Variants in DHX32 observed in about 807,000 individuals in gnomAD.
DHX32 encodes the protein DEAH-box helicase 32 (putative), also known as putative pre-mRNA-splicing factor ATP-dependent RNA helicase DHX32.
DHX32 carries 51 observed loss-of-function variants against 70.0 expected under a neutral mutation model. That is an observed-to-expected ratio of 0.73 (90% CI 0.58 to 0.92). DHX32 has a LOEUF of 0.92. DHX32 is among the 40% of genes least tolerant of loss of function. DHX32 has a pLI of 0.00. For synonymous variants in DHX32, 310 were observed against 315.3 expected (o/e 0.98, Z 0.18); for missense variants, 762 against 891.8 (o/e 0.85, Z 1.85).
intron 6 of DHX32, among the ~76,000 whole-genome samples, chr10:125,850,882 T>C (rs1944081842): frequency 1.3e-5 from 2 of 152,228 alleles, no homozygotes; most frequent in African/African-American, 4.8e-5. Context: ...CAAATTTCTA[T>C]CTAGGTACCA....
At chr10:125,851,906 G>T (rs1944094025) in intron 6 of DHX32, among the ~76,000 whole-genome samples, 1 of 123,624 alleles carries the variant, frequency 8.1e-6, no homozygotes, top group South Asian at 2.6e-4. Flanking sequence ...GAGCAACAGA[G>T]CAAGACCCTG....
intron 1 of DHX32, among the ~76,000 whole-genome samples, chr10:125,880,002 C>T (rs534267252): frequency 2.5e-4 from 38 of 152,266 alleles, no homozygotes; most frequent in Middle Eastern, 3.4e-3. Flanking sequence ...AATTCTTTCC[C>T]CCATCTTAGA....
intron 9 of DHX32, 71 bp from the exon 10 acceptor site, chr10:125,838,458 G>GA: frequency 2.2e-6 from 3 of 1,355,778 alleles, no homozygotes; most frequent in South Asian, 1.7e-5. Flanking sequence ...GATGTTTGTT[G>GA]AAAAAAATAC....
chr10:125,871,013 T>C (rs1402991120), intron 1 of DHX32, among the ~76,000 whole-genome samples: 2 of 152,186 alleles, frequency 1.3e-5, no homozygotes, highest in Non-Finnish European at 2.9e-5. Flanking sequence ...GTTATTCATA[T>C]AAGGTCCAGG....
At chr10:125,837,242 C>T (rs546014589) in intron 10 of DHX32, among the ~76,000 whole-genome samples, 5 of 152,272 alleles carry the variant, frequency 3.3e-5, no homozygotes, top group South Asian at 4.1e-4. Context: ...AGTACCACTC[C>T]ACATCCAGCT....
At chr10:125,845,076 C>A (rs1435316173) in intron 6 of DHX32, among the ~76,000 whole-genome samples, 3 of 152,206 alleles carry the variant, frequency 2.0e-5, no homozygotes, top group African/African-American at 7.2e-5. Flanking sequence ...TAAACTGCAA[C>A]CAGCAGAGGA....
intron 6 of DHX32, among the ~76,000 whole-genome samples, chr10:125,846,617 C>T (rs187305320): frequency 2.0e-5 from 3 of 152,278 alleles, no homozygotes; most frequent in Non-Finnish European, 4.4e-5. Context: ...AATCAAGAAT[C>T]CTGCTCTACT....
intron 6 of DHX32, 119 bp from the exon 7 acceptor site, chr10:125,842,053 C>T (rs149044729): frequency 3.1e-5 from 40 of 1,288,466 alleles, no homozygotes; most frequent in African/African-American, 1.7e-4. Flanking sequence ...TGTGAAACAA[C>T]GGTTTGCAAG....
At chr10:125,850,392 T>C (rs1944075416) in intron 6 of DHX32, among the ~76,000 whole-genome samples, 1 of 150,002 alleles carries the variant, frequency 6.7e-6, no homozygotes, top group East Asian at 2.0e-4. Context: ...AGTTTTGCTC[T>C]TGTTGCCCAG....
chr10:125,850,897 C>T (rs187381242), intron 6 of DHX32, among the ~76,000 whole-genome samples: 2 of 152,346 alleles, frequency 1.3e-5, no homozygotes, highest in Admixed American at 1.3e-4. Context: ...GTACCACTGC[C>T]TTCCCAGGGT....
In DHX32 at chr10:125,860,472, G is replaced by T. The variant is rs1431117920; in HGVS notation, c.477-497C>A. ...ACTGTTAGGACAGACACTATTATTG[G>T]TGATTCACTGTGAGAGATGATATCA... On this transcript the variant is annotated intron_variant, in intron 2 of 10. Coordinates refer to ENST00000284690, the MANE Select transcript of DHX32 (RefSeq NM_018180.3). 2.0e-5 allele frequency among the ~76,000 whole-genome samples: 3 copies of T among 152,216 alleles called. No individual in the cohort carries two copies. The Middle Eastern group carries it at 0.01, about 518-fold the overall frequency.
chr10:125,863,905 T>C (rs1477899395), intron 2 of DHX32, among the ~76,000 whole-genome samples: 6 of 152,236 alleles, frequency 3.9e-5, no homozygotes, highest in Middle Eastern at 3.2e-3. Flanking sequence ...ACATACACCA[T>C]GCATCAGTTA....
At chr10:125,879,363 G>A (rs1944304417) in intron 1 of DHX32, among the ~76,000 whole-genome samples, 1 of 151,972 alleles carries the variant, frequency 6.6e-6, no homozygotes, top group South Asian at 2.1e-4. Context: ...TTAATTGAGA[G>A]GCCATTAGGC....
At chr10:125,878,710 G>A (rs986726746) in intron 1 of DHX32, among the ~76,000 whole-genome samples, 2 of 147,254 alleles carry the variant, frequency 1.4e-5, no homozygotes, top group South Asian at 4.3e-4. Flanking sequence ...GTTTTGTTTT[G>A]TTTTCTTTTT....
At chr10:125,884,172 C>T (rs1944331704), upstream of DHX32, among the ~76,000 whole-genome samples, 2 of 152,152 alleles carry the variant, frequency 1.3e-5, no homozygotes, top group South Asian at 2.1e-4. Flanking sequence ...GTGGCTGAGA[C>T]CTAACTAGAG....
At chr10:125,871,939 T>G (rs1036075885) in intron 1 of DHX32, among the ~76,000 whole-genome samples, 1 of 151,124 alleles carries the variant, frequency 6.6e-6, no homozygotes, top group African/African-American at 2.4e-5. Flanking sequence ...CTTGGCTCAC[T>G]GCAACCTCCG....
At chr10:125,841,321 C>T in intron 7 of DHX32, 1 of 1,614,118 alleles carries the variant, frequency 6.2e-7, no homozygotes, top group Non-Finnish European at 8.5e-7. Context: ...AGTTCCGATA[C>T]AGCACAATGG....
chr10:125,893,267 G>A (rs149746451), intron 1 of DHX32, among the ~76,000 whole-genome samples: 1 of 151,854 alleles, frequency 6.6e-6, no homozygotes, highest in South Asian at 2.1e-4. Context: ...TTTTTGAGAC[G>A]GAGTCTTGCT....
chr10:125,839,028 T>G lies in DHX32; in HGVS notation c.1854A>C (p.Lys618Asn). 1 of 1,614,046 alleles carries G rather than the reference T, an allele frequency of 6.2e-7. No homozygotes were observed. The highest frequency in any genetic ancestry group is 8.5e-7 in the Non-Finnish European group (1 of 1,179,958). The change falls in exon 9 of 11, where the codon AAA becomes AAC. Residue 618 changes from lysine (K) to asparagine (N), a missense_variant. By Grantham distance (94) the Lys-to-Asn change is moderately conservative. Coordinates refer to ENST00000284690, the MANE Select transcript of DHX32 (RefSeq NM_018180.3). The stretch of plus-strand genomic sequence containing the variant: ...GCATAAAGTAACCGGACAGAAGAGC[T>G]TTCTTTATGTTTAGAGTGTTTTCCT... ...GSKENTLNIK[K>N]ALLSGYFMQI... is the part of the protein sequence containing the mutation.
Sources: allele counts gnomAD v4.1 joint callset (sites outside exome capture counted in the v4.1 genomes callset), GRCh38; gene constraint gnomAD v4.1.1; transcripts MANE v1.5; gene names NCBI Gene and HGNC (gene_info 2026-07-23, HGNC 2026-07-21).